The following FRMD4A variants were observed in gnomAD, a reference collection of about 807,000 sequenced individuals.
The protein encoded by FRMD4A is FERM domain containing 4A.
In FRMD4A, 29 loss-of-function variants were observed where a neutral mutation model predicts 129.1. That is an observed-to-expected ratio of 0.22 (90% confidence interval 0.17 to 0.31). FRMD4A has a LOEUF of 0.31. FRMD4A is among the 10% of genes least tolerant of loss of function. The pLI is 1.00. For synonymous variants in FRMD4A, 634 were observed against 571.6 expected, an observed-to-expected ratio of 1.11 and a Z score of -1.56; for missense variants, 1,272 against 1,375.8, an observed-to-expected ratio of 0.92 and a Z score of 1.19.
intron 2 of FRMD4A, among the ~76,000 whole-genome samples, chr10:13,963,061 T>C (rs1368118554): frequency 6.6e-6 from 1 of 152,222 alleles, no homozygotes; most frequent in East Asian, 1.9e-4. Flanking sequence ...TGCAAAAATA[T>C]GTTTCCGTGT....
At position 13,734,840 on chromosome 10, in the gene FRMD4A, CTATTTATTTATTTATTTATT is replaced by C. The variant is rs140004557; in HGVS notation, c.759+2984_759+3003del. Among the ~76,000 whole-genome samples, 988 of 141,600 alleles carry C rather than the reference CTATTTATTTATTTATTTATT, an allele frequency of 7.0e-3. 6 individuals carry two copies. Among genetic ancestry groups the C allele is most frequent in the Middle Eastern group, 0.035 (10 of 286 alleles). 92.9% of individuals were successfully genotyped at this position (141,600 alleles called of 152,430 possible). A position where few individuals can be genotyped will look rare whatever the true frequency, so the allele number is the denominator to read the frequency against. On this transcript the variant is annotated intron_variant, in intron 12 of 24. Coordinates refer to ENST00000357447, the MANE Select transcript of FRMD4A (RefSeq NM_018027.5). ...ATAACTTTTTTTTCTTCTTCTTTTT[CTATTTATTTATTTATTTATT>C]TATTTATTTATTTATTTATTTATTT... is the stretch of plus-strand genomic sequence containing the variant.
In FRMD4A at chr10:14,078,403, T is replaced by C. The variant is rs1835734508; in HGVS notation, c.46-219491A>G. 2.6e-5 allele frequency among the ~76,000 whole-genome samples: 4 copies of C among 152,226 alleles called. No individual in the cohort carries two copies. The South Asian group carries it at 8.3e-4, about 32-fold the overall frequency. ...CTATTGGGAAATCTTCCGACTTGTGTCAAATCTAACATTTGTCTTTCATTT... is the reference window on the plus strand; with the variant it reads ...CTATTGGGAAATCTTCCGACTTGTGCCAAATCTAACATTTGTCTTTCATTT... On this transcript the variant is annotated intron_variant, in intron 2 of 24. Transcript: ENST00000357447.
At chr10:13,676,879 A>C (rs1262652750) in intron 15 of FRMD4A, among the ~76,000 whole-genome samples, 2 of 152,200 alleles carry the variant, frequency 1.3e-5, no homozygotes, top group Non-Finnish European at 2.9e-5. Context: ...TTTGGTAGGA[A>C]GATGAAAAAA....
chr10:14,168,833 A>C (rs1033188670), intron 2 of FRMD4A, among the ~76,000 whole-genome samples: 1 of 152,202 alleles, frequency 6.6e-6, no homozygotes, highest in Non-Finnish European at 1.5e-5. Flanking sequence ...TAAGTATCAG[A>C]GCTAGAATCT....
At chr10:13,788,459 G>C (rs1408881865) in intron 5 of FRMD4A, among the ~76,000 whole-genome samples, 1 of 152,190 alleles carries the variant, frequency 6.6e-6, no homozygotes, top group East Asian at 1.9e-4. Flanking sequence ...GGCCCTGCGT[G>C]GCATGGTGTG....
At chr10:14,074,051 A>G (rs1333402600) in intron 2 of FRMD4A, among the ~76,000 whole-genome samples, 1 of 152,154 alleles carries the variant, frequency 6.6e-6, no homozygotes, top group African/African-American at 2.4e-5. Context: ...GCAGAGGCTG[A>G]ACAGAGCTGA....
intron 2 of FRMD4A, among the ~76,000 whole-genome samples, chr10:14,127,960 TTCTTTCTTTCTTTCTTTCC>T: frequency 3.1e-5 from 1 of 31,950 alleles, no homozygotes; most frequent in African/African-American, 1.9e-4. Flanking sequence ...CTTTCTTTCT[TTCTTTCTTTCTTTCTTTCC>T]TTCTCTCTCT....
In FRMD4A at chr10:14,015,299, C is replaced by A. The variant is rs540194483; in HGVS notation, c.46-156387G>T. ...CTTCCTTCCTTCCCTCCCTCCCTTC[C>A]TTTCATCCTTTCTTCCCTTCCTCTT... On this transcript the variant is annotated intron_variant, in intron 2 of 24. Transcript: ENST00000357447. Among the ~76,000 whole-genome samples, 3 of 142,004 alleles carry A rather than the reference C, an allele frequency of 2.1e-5. No individual in the cohort carries two copies. In the East Asian group the frequency reaches 6.5e-4, roughly 31 times the overall value. The allele number at this position is 142,004 out of a possible 152,430, so 93.2% of individuals were successfully genotyped here. A position where few individuals can be genotyped will look rare whatever the true frequency, so the allele number is the denominator to read the frequency against.
At chr10:14,277,645 G>A (rs973642914) in intron 2 of FRMD4A, among the ~76,000 whole-genome samples, 4 of 152,242 alleles carry the variant, frequency 2.6e-5, no homozygotes, top group South Asian at 2.1e-4. Context: ...GTGAGGGTTC[G>A]AGACTGAACA....
At chr10:13,938,232 CTGTTTGTT>C (rs547717822) in intron 2 of FRMD4A, among the ~76,000 whole-genome samples, 5,840 of 151,648 alleles carry the variant, frequency 0.039, 170 homozygotes, top group Admixed American at 0.094. Context: ...TTTGTTGTTG[CTGTTTGTT>C]TGTTTGTTTG....
At chr10:14,256,990 G>A in intron 2 of FRMD4A, among the ~76,000 whole-genome samples, 1 of 152,140 alleles carries the variant, frequency 6.6e-6, no homozygotes, top group East Asian at 1.9e-4. Flanking sequence ...AAAATTTATA[G>A]TGTAACCAGA....
At chr10:14,018,883 G>A (rs1371696560) in intron 2 of FRMD4A, among the ~76,000 whole-genome samples, 1 of 152,080 alleles carries the variant, frequency 6.6e-6, no homozygotes, top group African/African-American at 2.4e-5. Context: ...TTTTGACCTG[G>A]AACTTAGGAG....
At chr10:14,090,784 A>C (rs1316747854) in intron 2 of FRMD4A, among the ~76,000 whole-genome samples, 1 of 152,240 alleles carries the variant, frequency 6.6e-6, no homozygotes, top group Non-Finnish European at 1.5e-5. Context: ...TTCAGGTTTC[A>C]TTAAAGAGAA....
chr10:13,920,761 C>G (rs2095061423), intron 2 of FRMD4A, among the ~76,000 whole-genome samples: 1 of 152,302 alleles, frequency 6.6e-6, no homozygotes, highest in African/African-American at 2.4e-5. Context: ...AAATTTTGTA[C>G]ACATGGCATG....
chr10:13,740,079 A>C, intron 11 of FRMD4A, 115 bp downstream of exon 11: 1 of 726,640 alleles, frequency 1.4e-6, no homozygotes, highest in Non-Finnish European at 2.4e-6. Flanking sequence ...AGCCTGGGAG[A>C]CAAAGCAAGA....
intron 17 of FRMD4A, among the ~76,000 whole-genome samples, chr10:13,666,795 T>C (rs2083074103): frequency 6.6e-6 from 1 of 152,138 alleles, no homozygotes; most frequent in Admixed American, 6.5e-5. Context: ...GGCCTCTGAC[T>C]CTCACACTGT....
At chr10:13,979,210 AT>A (rs1326537604) in intron 2 of FRMD4A, among the ~76,000 whole-genome samples, 1 of 152,114 alleles carries the variant, frequency 6.6e-6, no homozygotes, top group African/African-American at 2.4e-5. Flanking sequence ...AAAAAAATAC[AT>A]ATTTGTTTTG....
At chr10:14,310,060 T>A (rs995731975) in intron 2 of FRMD4A, among the ~76,000 whole-genome samples, 4 of 152,148 alleles carry the variant, frequency 2.6e-5, no homozygotes, top group African/African-American at 9.7e-5. Context: ...TCTAACCCTG[T>A]GAGTTGAACC....
chr10:13,666,208 T>A lies in FRMD4A; in HGVS notation c.1492A>T (p.Thr498Ser), dbSNP rs1360092825. 3.1e-6 allele frequency: 5 copies of A among 1,613,534 alleles called. No individual in the cohort carries two copies. The East Asian group carries it at 1.1e-4, about 36-fold the overall frequency. The change falls in exon 18 of 25, where the codon ACC becomes TCC. Residue 498 changes from threonine (T) to serine (S), a missense_variant. Physicochemically the swap from Thr to Ser is moderately conservative, Grantham distance 58 (BLOSUM62 1). This residue lies in a region of FRMD4A where 972 missense variants were observed against 892.3 expected (regional missense o/e 1.09). Transcript: ENST00000357447. ...VSKKLKKQRK[T>S]SYLNALKKLQ... is the part of the protein sequence containing the mutation. ...TTCTTCAGTGCATTCAGATACGAGG[T>A]TTTCCTTTGTTTCTTCAGTTTTTTG...
Sources: gnomAD v4.1 joint callset for allele counts (sites outside exome capture counted in the v4.1 genomes callset) on GRCh38, gnomAD v4.1.1 for gene constraint, gnomAD v4.1.1 regional missense constraint, MANE v1.5 for transcripts, NCBI Gene and HGNC (gene_info 2026-07-23, HGNC 2026-07-21) for gene names.